BAHD1: variants seen among roughly 807,000 people sequenced by gnomAD.
BAHD1 encodes bromo adjacent homology domain-containing 1 protein.
BAHD1 carries 20 observed loss-of-function variants against 63.1 expected under a neutral mutation model. That is an observed-to-expected ratio of 0.32 (90% CI 0.22 to 0.46). BAHD1 has a LOEUF of 0.46. Among genes scored for constraint, BAHD1 ranks in the 20% least tolerant of loss-of-function variants. The pLI, the probability that BAHD1 is intolerant of heterozygous loss-of-function variation, is 1.00. For missense variants in BAHD1, 939 were observed against 1,071.8 expected (o/e 0.88, Z 1.73); for synonymous variants, 408 against 426.8 (o/e 0.96, Z 0.54).
chr15:40,464,871 C>T (rs1233116854), intron 5 of BAHD1: 4 of 421,004 alleles, frequency 9.5e-6, no homozygotes, highest in Non-Finnish European at 1.7e-5. Flanking sequence ...CATACCTGGT[C>T]ACTTTTGGTA....
intron 1 of BAHD1, among the ~76,000 whole-genome samples, chr15:40,445,390 A>G (rs1893512938): frequency 6.6e-6 from 1 of 152,174 alleles, no homozygotes; most frequent in South Asian, 2.1e-4. Context: ...ACATACTTCA[A>G]ATTGGAGTTC....
intron 1 of BAHD1, among the ~76,000 whole-genome samples, chr15:40,455,455 T>G (rs1425774779): frequency 6.6e-6 from 1 of 152,144 alleles, no homozygotes; most frequent in Non-Finnish European, 1.5e-5. Context: ...CCCACCTCTC[T>G]CTGCTTGGGA....
upstream of BAHD1, among the ~76,000 whole-genome samples, chr15:40,438,787 A>G (rs756166363): frequency 3.3e-5 from 5 of 152,162 alleles, no homozygotes; most frequent in Non-Finnish European, 7.4e-5. Context: ...CCCTGCCACC[A>G]GGTACATTCC....
At chr15:40,453,540 G>C (rs1366065833) in intron 1 of BAHD1, 2 of 152,254 alleles carry the variant, frequency 1.3e-5, no homozygotes, top group Non-Finnish European at 2.9e-5. Flanking sequence ...TCCAGTTGTG[G>C]TTTTAGCTGT....
intron 1 of BAHD1, among the ~76,000 whole-genome samples, chr15:40,452,661 A>C (rs1395447357): frequency 6.6e-6 from 1 of 152,072 alleles, no homozygotes; most frequent in African/African-American, 2.4e-5. Context: ...GAGCAGTGCC[A>C]GCACCCCGTG....
At chr15:40,464,178 A>C (rs1011235637) in intron 4 of BAHD1, 158 bp downstream of exon 4, 4 of 909,258 alleles carry the variant, frequency 4.4e-6, no homozygotes, top group South Asian at 1.7e-5. Flanking sequence ...TCTGCTGCCG[A>C]GGGCTGTGGG....
chr15:40,465,060 C>T (rs1321171267), intron 5 of BAHD1: 4 of 487,296 alleles, frequency 8.2e-6, no homozygotes, highest in African/African-American at 5.8e-5. Flanking sequence ...AACATTTCCC[C>T]TCTCCTACGC....
chr15:40,449,106 G>A (rs1217159422), intron 1 of BAHD1, among the ~76,000 whole-genome samples: 4 of 152,090 alleles, frequency 2.6e-5, no homozygotes, highest in East Asian at 1.9e-4. Context: ...GTGAGCCACC[G>A]CGCCCAGCCT....
In BAHD1 at chr15:40,453,254, G is replaced by C. The variant is rs143649609; in HGVS notation, c.-14-5197G>C. On this transcript the variant is annotated intron_variant, in intron 1 of 6. Coordinates refer to ENST00000416165, the MANE Select transcript of BAHD1 (RefSeq NM_014952.5). ...AAATCTAGGTCTGACTCAATGCTTT[G>C]GTTCTTTCTGCTGTACCAGCTCTTT... 1.3e-4 allele frequency among the ~76,000 whole-genome samples: 20 copies of C among 152,324 alleles called. No individual in the cohort carries two copies. In the East Asian group the frequency reaches 2.9e-3, roughly 22 times the overall value.
chr15:40,438,517 C>T (rs371657648), upstream of BAHD1, among the ~76,000 whole-genome samples: 28 of 152,136 alleles, frequency 1.8e-4, no homozygotes, highest in African/African-American at 4.1e-4. Flanking sequence ...CAGCGGACAC[C>T]GCCACCCACA....
chr15:40,454,009 AG>A (rs2141502519), intron 1 of BAHD1: 1 of 152,660 alleles, frequency 6.6e-6, no homozygotes, highest in South Asian at 2.1e-4. Flanking sequence ...GAAAAACCAA[AG>A]AAGCCTGAAA....
At chr15:40,443,261 C>T (rs1893452448) in intron 1 of BAHD1, 10 of 985,336 alleles carry the variant, frequency 1.0e-5, no homozygotes, top group Non-Finnish European at 1.1e-5. Flanking sequence ...TCATGGCCAC[C>T]CCCCATGGAC....
At chr15:40,441,708 C>G (rs1443981103) in intron 1 of BAHD1, among the ~76,000 whole-genome samples, 1 of 148,478 alleles carries the variant, frequency 6.7e-6, no homozygotes, top group African/African-American at 2.4e-5. Flanking sequence ...AGTGCGCGGG[C>G]GGCGAGGCCC....
chr15:40,465,369 A>C lies in BAHD1; in HGVS notation c.2087A>C (p.Gln696Pro). Residue 696 changes from glutamine to proline, a missense_variant, in exon 6 of 7, where the codon CAG becomes CCG. By Grantham distance (76) the Gln-to-Pro change is moderately conservative. This residue lies in a region of BAHD1 where 31 missense variants were observed against 68.1 expected (regional missense o/e 0.46). Coordinates refer to ENST00000416165, the MANE Select transcript of BAHD1 (RefSeq NM_014952.5). ...AATGAAGTGTTTGCATCGCGACATC[A>C]GGACCAGAACAGTGTGGCCTGCATT... ...LQNEVFASRH[Q>P]DQNSVACIEE... 6.2e-7 allele frequency: 1 copy of C among 1,614,176 alleles called. No homozygotes were observed. The highest frequency in any genetic ancestry group is 8.5e-7 in the Non-Finnish European group (1 of 1,180,016).
In BAHD1 at chr15:40,462,219, T is replaced by TCGC. The variant is rs763496269; in HGVS notation, c.1749_1751dup (p.Arg587dup). ...AGCCACGTGTCCAGCGCCCACGCCC[T>TCGC]CGCCGCCGCCGTCGCCGCCGCACTA... On this transcript the variant is annotated inframe_insertion, in exon 3 of 7. Transcript: ENST00000416165. The TCGC allele has an allele frequency of 2.5e-6, 4 of 1,611,576 alleles. No individual in the cohort carries two copies.
chr15:40,440,559 G>T (rs1025630340), upstream of BAHD1, among the ~76,000 whole-genome samples: 1 of 138,496 alleles, frequency 7.2e-6, no homozygotes, highest in Non-Finnish European at 1.6e-5. Context: ...AGGGCGGGGG[G>T]AGATAAGATT....
chr15:40,442,568 C>T (rs1366580857), intron 1 of BAHD1, among the ~76,000 whole-genome samples: 1 of 152,118 alleles, frequency 6.6e-6, no homozygotes, highest in Non-Finnish European at 1.5e-5. Context: ...AGTCTAACCC[C>T]ACCTGGGACA....
chr15:40,442,194 A>G (rs1283561913), intron 1 of BAHD1, among the ~76,000 whole-genome samples: 3 of 151,598 alleles, frequency 2.0e-5, no homozygotes, highest in East Asian at 2.0e-4. Context: ...GCGCCGGACA[A>G]AGGCGGCGCC....
intron 1 of BAHD1, among the ~76,000 whole-genome samples, chr15:40,457,249 A>G (rs1181902841): frequency 6.6e-6 from 1 of 152,206 alleles, no homozygotes; most frequent in African/African-American, 2.4e-5. Context: ...TCAGGGGTTT[A>G]AAGCTGTATG....
Sources: gnomAD v4.1 joint callset for allele counts (sites outside exome capture counted in the v4.1 genomes callset) on GRCh38, gnomAD v4.1.1 for gene constraint, gnomAD v4.1.1 regional missense constraint, MANE v1.5 for transcripts, NCBI Gene and HGNC (gene_info 2026-07-23, HGNC 2026-07-21) for gene names.